MYOF: variants seen among roughly 807,000 people sequenced by gnomAD.
The protein encoded by MYOF is myoferlin, also known as fer-1-like 3, myoferlin.
Under a neutral mutation model 284.2 loss-of-function variants are expected in MYOF, and 244 were observed. The ratio of observed to expected loss-of-function variants is 0.86; its 90% CI spans 0.77 to 0.95. The LOEUF is 0.95. MYOF is among the 40% of genes least tolerant of loss of function. The pLI, the probability that MYOF is intolerant of heterozygous loss-of-function variation, is 0.00. For synonymous variants in MYOF, 904 were observed against 919.7 expected, an observed-to-expected ratio of 0.98 and a Z score of 0.31; for missense variants, 2,496 against 2,560.6, an observed-to-expected ratio of 0.97 and a Z score of 0.54.
chr10:93,364,083 G>C lies in MYOF; in HGVS notation c.2754-8C>G. 1 of 1,612,748 alleles carries C rather than the reference G, an allele frequency of 6.2e-7. No individual in the cohort carries two copies. Among genetic ancestry groups the C allele is most frequent in the Non-Finnish European group, 8.5e-7 (1 of 1,178,964 alleles). On this transcript the variant is annotated splice_polypyrimidine_tract_variant and splice_region_variant and intron_variant, in intron 26 of 53. Coordinates refer to ENST00000359263, the MANE Select transcript of MYOF (RefSeq NM_013451.4). ...TCTGCCTCAGTCAGCAAGCTGTGGG[G>C]CGGGGAGGGCTCAAGTTACCCAAGG...
chr10:93,386,281 C>T (rs989904270), intron 19 of MYOF, among the ~76,000 whole-genome samples: 8 of 152,134 alleles, frequency 5.3e-5, no homozygotes, highest in Non-Finnish European at 7.3e-5. Context: ...CTCACTCTCC[C>T]GCCCTCTTTT....
chr10:93,374,660 A>G (rs1845753015), intron 23 of MYOF, 103 bp downstream of exon 23: 1 of 1,222,588 alleles, frequency 8.2e-7, no homozygotes, highest in Non-Finnish European at 1.1e-6. Context: ...CTCAATATCC[A>G]AGATAATGTA....
At chr10:93,333,637 G>A in intron 42 of MYOF, 121 bp downstream of exon 42, 1 of 1,314,152 alleles carries the variant, frequency 7.6e-7, no homozygotes, top group African/African-American at 1.5e-5. Context: ...ACATTGTTTT[G>A]ATGGAGTATC....
intron 12 of MYOF, among the ~76,000 whole-genome samples, 191 bp downstream of exon 12, chr10:93,401,227 C>T (rs1411635983): frequency 6.6e-6 from 1 of 152,134 alleles, no homozygotes; most frequent in African/African-American, 2.4e-5. Flanking sequence ...TGATCAGCAA[C>T]CAACTAGCTG....
At position 93,405,560 on chromosome 10, in the gene MYOF, C is replaced by T. The variant is rs528388230; in HGVS notation, c.730-1341G>A. Among the ~76,000 whole-genome samples the T allele has an allele frequency of 1.4e-3, 210 of 152,290 alleles. 1 individual carries two copies. Among genetic ancestry groups the T allele is most frequent in the African/African-American group, 4.8e-3 (200 of 41,554 alleles). On this transcript the variant is annotated intron_variant, in intron 7 of 53. Coordinates refer to ENST00000359263, the MANE Select transcript of MYOF (RefSeq NM_013451.4). ...CCTCCTGGCTTGGCCTCCCAAAGTA[C>T]TGGGATTACAGGCGTGAGCCACCAT...
chr10:93,347,545 C>G, intron 37 of MYOF, 72 bp downstream of exon 37: 1 of 966,068 alleles, frequency 1.0e-6, no homozygotes, highest in Non-Finnish European at 1.4e-6. Context: ...GGCGACAGAG[C>G]GAGACTCCGT....
Position 93,363,998 on chromosome 10 carries a change from C to G in MYOF, c.2831G>C (p.Gly944Ala), listed in dbSNP as rs765417284. ...GGTGTCCTCGGCCGGCTTCCAGTCG[C>G]CCCCGGGGTAGCGGCTCTCGTTCTG... ...VYQNESRYPG[G>A]DWKPAEDTYT... The change falls in exon 27 of 54, where the codon GGC becomes GCC. Residue 944 changes from glycine to alanine, a missense_variant. Physicochemically the swap from Gly to Ala is moderately conservative, Grantham distance 60. Around this residue, in one of 3 missense-constraint regions of MYOF, gnomAD observed 2,436 missense variants for 2,480.7 expected, o/e 0.98. Transcript: ENST00000359263. 3 of 1,613,798 alleles carry G rather than the reference C, an allele frequency of 1.9e-6. No individual in the cohort carries two copies. Among genetic ancestry groups the G allele is most frequent in the Non-Finnish European group, 2.5e-6 (3 of 1,179,862 alleles).
intron 5 of MYOF, among the ~76,000 whole-genome samples, chr10:93,415,671 C>G (rs957933224): frequency 6.6e-6 from 1 of 152,150 alleles, no homozygotes; most frequent in African/African-American, 2.4e-5. Context: ...GCCTTCTCTC[C>G]TGCTACAATT....
At chr10:93,391,700 A>G (rs898874722) in intron 17 of MYOF, among the ~76,000 whole-genome samples, 3 of 152,228 alleles carry the variant, frequency 2.0e-5, no homozygotes, top group African/African-American at 7.2e-5. Flanking sequence ...CAGTGGACAC[A>G]TCAAACTTCC....
At chr10:93,422,715 G>A (rs1848407131) in intron 5 of MYOF, among the ~76,000 whole-genome samples, 2 of 152,146 alleles carry the variant, frequency 1.3e-5, no homozygotes, top group African/African-American at 4.8e-5. Context: ...AGAATCACTT[G>A]AACCTGGGAC....
chr10:93,347,731 C>A lies in MYOF; in HGVS notation c.4135G>T (p.Asp1379Tyr). ...GGCTTCCGCCCAAACTGCCTGTGGT[C>A]GATGACCTTGATCACCAGTGGGGGC... is the stretch of plus-strand genomic sequence containing the variant. ...YMPPLVIKVI[D>Y]HRQFGRKPVV... The change falls in exon 37 of 54, where the codon GAC (aspartate) becomes TAC (tyrosine). Residue 1379 changes from aspartate to tyrosine, a missense_variant. By Grantham distance (160) the Asp-to-Tyr change is radical (BLOSUM62 -3). Transcript: ENST00000359263. The A allele has an allele frequency of 1.9e-6, 3 of 1,614,066 alleles. No individual in the cohort carries two copies. Among genetic ancestry groups the A allele is most frequent in the Non-Finnish European group, 2.5e-6 (3 of 1,180,014 alleles).
chr10:93,385,645 C>A (rs1846327013), intron 19 of MYOF, among the ~76,000 whole-genome samples: 1 of 152,130 alleles, frequency 6.6e-6, no homozygotes, highest in Admixed American at 6.5e-5. Flanking sequence ...TCATTTCTCT[C>A]CTATTCTGTA....
intron 26 of MYOF, among the ~76,000 whole-genome samples, chr10:93,365,478 C>T (rs919468855): frequency 1.3e-5 from 2 of 152,174 alleles, no homozygotes; most frequent in African/African-American, 4.8e-5. Flanking sequence ...CATCCACTTA[C>T]AGTATACCTC....
At chr10:93,450,825 G>T (rs2134299322) in intron 3 of MYOF, among the ~76,000 whole-genome samples, 1 of 151,826 alleles carries the variant, frequency 6.6e-6, no homozygotes, top group Non-Finnish European at 1.5e-5. Flanking sequence ...TCTTACAATT[G>T]ATGGGGGCAT....
intron 9 of MYOF, 101 bp downstream of exon 9, chr10:93,403,922 A>G (rs906205530): frequency 4.6e-6 from 6 of 1,296,032 alleles, no homozygotes; most frequent in Middle Eastern, 2.4e-4. Flanking sequence ...ACCCTTACAC[A>G]TTCCCAAGAT....
chr10:93,313,624 G>C (rs1403404003), intron 50 of MYOF, among the ~76,000 whole-genome samples: 1 of 152,044 alleles, frequency 6.6e-6, no homozygotes, highest in Non-Finnish European at 1.5e-5. Context: ...ATGCTGGCTG[G>C]GCAAAGTGGC....
chr10:93,340,170 C>T lies in MYOF; in HGVS notation c.4327-6G>A, dbSNP rs538742785. 121 of 1,613,950 alleles carry T rather than the reference C, an allele frequency of 7.5e-5. 2 individuals carry two copies. In the South Asian group the frequency reaches 1.1e-3, roughly 15 times the overall value. On this transcript the variant is annotated splice_polypyrimidine_tract_variant and splice_region_variant and intron_variant, in intron 38 of 53. Transcript: ENST00000359263. Reference sequence around the variant, plus strand: ...ATAGTTACCTTTTCTGTCAGCTGCTCGTGCACATGTCCCGTGAGGAAGAGG... The same window carrying T: ...ATAGTTACCTTTTCTGTCAGCTGCTTGTGCACATGTCCCGTGAGGAAGAGG...
At chr10:93,349,153 A>AT (rs150031738) in intron 36 of MYOF, among the ~76,000 whole-genome samples, 6,182 of 151,100 alleles carry the variant, frequency 0.041, 398 homozygotes, top group African/African-American at 0.14. Context: ...AAAAAGAAAG[A>AT]TTTTTTTTTT....
At chr10:93,308,734 CAG>C (rs1842247078) in intron 53 of MYOF, among the ~76,000 whole-genome samples, 2 of 151,844 alleles carry the variant, frequency 1.3e-5, no homozygotes, top group African/African-American at 4.8e-5. Flanking sequence ...TTTTTTGAGA[CAG>C]AGTCTCACTT....
Sources: gnomAD v4.1 joint callset for allele counts (sites outside exome capture counted in the v4.1 genomes callset) on GRCh38, gnomAD v4.1.1 for gene constraint, gnomAD v4.1.1 regional missense constraint, MANE v1.5 for transcripts, NCBI Gene and HGNC (gene_info 2026-07-23, HGNC 2026-07-21) for gene names.